The following VTI1A variants were observed in gnomAD, a reference collection of about 807,000 sequenced individuals.
VTI1A encodes the protein vesicle transport through interaction with t-SNAREs homolog 1A.
In VTI1A, 22 loss-of-function variants were observed where a neutral mutation model predicts 34.9. The observed-to-expected ratio is 0.63, with a 90% CI of 0.45 to 0.90. The LOEUF is 0.90. VTI1A is among the 40% of genes least tolerant of loss of function. VTI1A has a pLI of 0.00. For synonymous variants in VTI1A, 87 were observed against 97.3 expected, an observed-to-expected ratio of 0.89 and a Z score of 0.62; for missense variants, 268 against 275.6, an observed-to-expected ratio of 0.97 and a Z score of 0.20.
At chr10:112,726,386 A>G (rs1850028632) in intron 7 of VTI1A, among the ~76,000 whole-genome samples, 1 of 152,162 alleles carries the variant, frequency 6.6e-6, no homozygotes, top group Non-Finnish European at 1.5e-5. Flanking sequence ...GAAGGGAGTC[A>G]ACCTCCTGTT....
intron 7 of VTI1A, among the ~76,000 whole-genome samples, chr10:112,764,154 C>T (rs1483518932): frequency 6.6e-6 from 1 of 152,162 alleles, no homozygotes; most frequent in African/African-American, 2.4e-5. Context: ...ACATGGCGCC[C>T]TCTGGAATCC....
chr10:112,793,640 A>T (rs1350560806), intron 7 of VTI1A, among the ~76,000 whole-genome samples: 1 of 152,244 alleles, frequency 6.6e-6, no homozygotes, highest in African/African-American at 2.4e-5. Flanking sequence ...GATGCTACAA[A>T]CGCAATTAGA....
intron 7 of VTI1A, among the ~76,000 whole-genome samples, chr10:112,676,260 A>T (rs1057094766): frequency 6.6e-6 from 1 of 151,960 alleles, no homozygotes; most frequent in East Asian, 1.9e-4. Context: ...TGGCGCCACC[A>T]TTCCCCCTTC....
At chr10:112,661,121 C>T (rs1461042855) in intron 5 of VTI1A, among the ~76,000 whole-genome samples, 1 of 152,222 alleles carries the variant, frequency 6.6e-6, no homozygotes, top group Non-Finnish European at 1.5e-5. Flanking sequence ...GCTGGGACTA[C>T]AGGCATGTGC....
At chr10:112,820,125 C>T (rs112085152), downstream of VTI1A, among the ~76,000 whole-genome samples, 14 of 152,306 alleles carry the variant, frequency 9.2e-5, no homozygotes, top group Non-Finnish European at 1.5e-4. Flanking sequence ...TTACTATGGG[C>T]GTAGGAACAG....
chr10:112,519,766 T>A (rs1382011283), intron 3 of VTI1A, among the ~76,000 whole-genome samples: 1 of 152,034 alleles, frequency 6.6e-6, no homozygotes, highest in Non-Finnish European at 1.5e-5. Flanking sequence ...TGTTTTTAAA[T>A]TTGCAGCCTG....
chr10:112,847,140 A>G, the VTI1A span, among the ~76,000 whole-genome samples: 1 of 152,200 alleles, frequency 6.6e-6, no homozygotes, highest in Non-Finnish European at 1.5e-5. Context: ...GAAATGGATG[A>G]CAGGAGCTTA....
intron 7 of VTI1A, among the ~76,000 whole-genome samples, chr10:112,673,479 C>CAT (rs1847928511): frequency 6.6e-6 from 1 of 151,808 alleles, no homozygotes; most frequent in African/African-American, 2.4e-5. Context: ...CACACACACA[C>CAT]ACACGCACTC....
chr10:112,605,735 G>A (rs913005720), intron 5 of VTI1A, among the ~76,000 whole-genome samples: 1 of 152,132 alleles, frequency 6.6e-6, no homozygotes, highest in African/African-American at 2.4e-5. Flanking sequence ...CCACAATTAT[G>A]ATGGCTTAGA....
the VTI1A span, among the ~76,000 whole-genome samples, chr10:112,844,570 C>T: frequency 6.6e-6 from 1 of 152,102 alleles, no homozygotes; most frequent in Non-Finnish European, 1.5e-5. Flanking sequence ...GGCTAATTTT[C>T]GTATTTTTAG....
intron 3 of VTI1A, among the ~76,000 whole-genome samples, chr10:112,500,484 C>T (rs1445659936): frequency 6.6e-6 from 1 of 151,636 alleles, no homozygotes; most frequent in Non-Finnish European, 1.5e-5. Context: ...TTGTTGCCAA[C>T]ATTAAAATAT....
At chr10:112,734,654 CTT>C (rs34618895) in intron 7 of VTI1A, among the ~76,000 whole-genome samples, 168 of 138,462 alleles carry the variant, frequency 1.2e-3, no homozygotes, top group Admixed American at 1.8e-3. Context: ...CAATAAATTT[CTT>C]TTTTTTTTTT....
intron 5 of VTI1A, among the ~76,000 whole-genome samples, chr10:112,665,246 CT>C (rs1435314915): frequency 6.6e-6 from 1 of 151,728 alleles, no homozygotes; most frequent in African/African-American, 2.4e-5. Flanking sequence ...AAAATCCCCT[CT>C]AATTTGTTGT....
chr10:112,687,948 C>CTTTTTTTTTTTTTTTTTTT (rs11442025), intron 7 of VTI1A, among the ~76,000 whole-genome samples: 1 of 115,574 alleles, frequency 8.7e-6, no homozygotes, highest in Non-Finnish European at 1.8e-5. Flanking sequence ...GTGACCAAGT[C>CTTTTTTTTTTTTTTTTTTT]TTTTTTTTTT....
rs930220517 is a variant in VTI1A, at chr10:112,747,817, G to A, written c.561-67473G>A. Reference sequence around the variant, plus strand: ...GCTGCCCCTTTGGGGGCTGGAACAAGGTTCCCCATGTGTTTCTCAGTTGTA... The same window carrying A: ...GCTGCCCCTTTGGGGGCTGGAACAAAGTTCCCCATGTGTTTCTCAGTTGTA... On this transcript the variant is annotated intron_variant, in intron 7 of 7. Coordinates refer to ENST00000393077, the MANE Select transcript of VTI1A (RefSeq NM_145206.4). Among the ~76,000 whole-genome samples, 33 of 152,190 alleles carry A rather than the reference G, an allele frequency of 2.2e-4. 1 individual carries two copies. The highest frequency in any genetic ancestry group is 1.3e-4 in the Non-Finnish European group (9 of 68,040).
chr10:112,670,634 G>T (rs1847813527), intron 7 of VTI1A, among the ~76,000 whole-genome samples: 6 of 152,144 alleles, frequency 3.9e-5, no homozygotes, highest in African/African-American at 1.2e-4. Flanking sequence ...TTTAGAGAGG[G>T]TGAAGCACAA....
At chr10:112,687,661 C>A (rs1848465688) in intron 7 of VTI1A, among the ~76,000 whole-genome samples, 1 of 152,042 alleles carries the variant, frequency 6.6e-6, no homozygotes, top group South Asian at 2.1e-4. Flanking sequence ...CAGAATGAAA[C>A]CCATCTCTGG....
chr10:112,589,592 A>C (rs915514304), intron 5 of VTI1A, among the ~76,000 whole-genome samples: 6 of 152,192 alleles, frequency 3.9e-5, no homozygotes, highest in Non-Finnish European at 8.8e-5. Context: ...GACATAGCTA[A>C]AAAATAATAG....
chr10:112,530,430 A>C (rs992379299), intron 4 of VTI1A, among the ~76,000 whole-genome samples: 1 of 152,228 alleles, frequency 6.6e-6, no homozygotes, highest in African/African-American at 2.4e-5. Context: ...AACCATTCTC[A>C]TAAAAGGAAA....
Sources: gnomAD v4.1 joint callset for allele counts (sites outside exome capture counted in the v4.1 genomes callset) on GRCh38, gnomAD v4.1.1 for gene constraint, MANE v1.5 for transcripts, NCBI Gene and HGNC (gene_info 2026-07-23, HGNC 2026-07-21) for gene names.